DPP6: variants seen among roughly 807,000 people sequenced by gnomAD.
DPP6 encodes A-type potassium channel modulatory protein DPP6.
A neutral mutation model predicts 122.6 loss-of-function variants in DPP6; 69 were observed. The observed-to-expected ratio is 0.56, with a 90% CI of 0.46 to 0.69. DPP6 has a LOEUF of 0.69. Ranked by LOEUF, DPP6 falls within the 30% of genes least tolerant of loss-of-function variation. The pLI, the probability that DPP6 is intolerant of heterozygous loss-of-function variation, is 0.00. For missense variants in DPP6, 928 were observed against 1,116.9 expected (o/e 0.83, Z 2.41); for synonymous variants, 418 against 433.1 (o/e 0.97, Z 0.43).
chr7:153,949,479 C>G lies in DPP6; in HGVS notation c.51+61745C>G, dbSNP rs1261617836. 2.0e-5 allele frequency among the ~76,000 whole-genome samples: 3 copies of G among 152,140 alleles called. No individual in the cohort carries two copies. The East Asian group carries it at 5.8e-4, about 29-fold the overall frequency. On this transcript the variant is annotated intron_variant, in intron 1 of 25. Coordinates refer to the DPP6 transcript ENST00000404039. ...AGAGGCTGCCTGATGATTCCGAGAT[C>G]CCTCTGCTACTTTTTCGTGCCTCAT... is the stretch of plus-strand genomic sequence containing the variant.
chr7:154,493,738 G>C (rs55988330), intron 3 of DPP6, among the ~76,000 whole-genome samples: 199 of 152,296 alleles, frequency 1.3e-3, no homozygotes, highest in Non-Finnish European at 2.4e-3. Context: ...AATTTTTAAA[G>C]AATTCAAGAG....
the DPP6 span, among the ~76,000 whole-genome samples, chr7:153,767,594 G>A: frequency 1.3e-5 from 2 of 150,792 alleles, no homozygotes; most frequent in African/African-American, 4.9e-5. Context: ...AGCCAGGCTG[G>A]TCTTGAACTC....
intron 1 of DPP6, among the ~76,000 whole-genome samples, chr7:154,382,602 CTCAGCGCTCT>C (rs1378147136): frequency 6.6e-6 from 1 of 152,252 alleles, no homozygotes; most frequent in Admixed American, 6.5e-5. Context: ...GCGCTCAGCG[CTCAGCGCTCT>C]TCATGTGTTT....
chr7:153,827,665 G>A, the DPP6 span, among the ~76,000 whole-genome samples: 1 of 152,020 alleles, frequency 6.6e-6, no homozygotes, highest in Non-Finnish European at 1.5e-5. Flanking sequence ...GTCCAACAAG[G>A]ACCACATAGG....
chr7:153,965,327 G>A (rs1426737466), intron 1 of DPP6, among the ~76,000 whole-genome samples: 3 of 152,020 alleles, frequency 2.0e-5, no homozygotes, highest in Admixed American at 6.5e-5. Flanking sequence ...CTACTTGAAT[G>A]TTTGGTTATT....
At chr7:153,989,613 G>T (rs1364869120) in intron 1 of DPP6, among the ~76,000 whole-genome samples, 5 of 151,972 alleles carry the variant, frequency 3.3e-5, no homozygotes, top group African/African-American at 9.7e-5. Context: ...AAAGGGGGGT[G>T]CTCACAGCTG....
chr7:154,144,617 A>T (rs964156650), intron 1 of DPP6, among the ~76,000 whole-genome samples: 4 of 149,408 alleles, frequency 2.7e-5, no homozygotes, highest in Non-Finnish European at 4.5e-5. Flanking sequence ...AAGAATGGCA[A>T]AGTTGAGCAT....
intron 1 of DPP6, among the ~76,000 whole-genome samples, chr7:154,135,742 A>G (rs1477114399): frequency 6.8e-6 from 1 of 148,078 alleles, no homozygotes; most frequent in Non-Finnish European, 1.5e-5. Flanking sequence ...TATTCTGAGC[A>G]CACACTTCCT....
intron 7 of DPP6, among the ~76,000 whole-genome samples, chr7:154,672,340 T>C (rs990685440): frequency 6.6e-6 from 1 of 152,218 alleles, no homozygotes; most frequent in Non-Finnish European, 1.5e-5. Flanking sequence ...ACAGGTACCC[T>C]GAGTCCACAC....
intron 5 of DPP6, among the ~76,000 whole-genome samples, chr7:154,596,894 G>T (rs1385062816): frequency 1.0e-5 from 1 of 99,978 alleles, no homozygotes. Context: ...TTTATTTTAG[G>T]AAATTTTAAA....
chr7:154,028,640 A>G (rs893312383), intron 1 of DPP6, among the ~76,000 whole-genome samples: 2 of 151,742 alleles, frequency 1.3e-5, no homozygotes, highest in African/African-American at 4.9e-5. Context: ...TTTCTTCACA[A>G]AGCTGCGTTC....
At chr7:154,864,523 C>G (rs889028092) in intron 17 of DPP6, among the ~76,000 whole-genome samples, 1 of 152,210 alleles carries the variant, frequency 6.6e-6, no homozygotes, top group Non-Finnish European at 1.5e-5. Flanking sequence ...CCCCACTGCC[C>G]TGAAGTCAAA....
intron 3 of DPP6, among the ~76,000 whole-genome samples, chr7:154,535,786 G>A (rs1402446067): frequency 6.6e-6 from 1 of 152,000 alleles, no homozygotes; most frequent in Admixed American, 6.6e-5. Flanking sequence ...TTATTACTAT[G>A]TATCATCAAA....
intron 1 of DPP6, among the ~76,000 whole-genome samples, chr7:154,108,744 C>A (rs754104780): frequency 6.6e-6 from 1 of 152,180 alleles, no homozygotes. Flanking sequence ...AGCAAGCCAG[C>A]AATGTGTGGT....
chr7:154,689,396 C>T (rs1459565241), intron 7 of DPP6, among the ~76,000 whole-genome samples: 1 of 152,024 alleles, frequency 6.6e-6, no homozygotes, highest in Non-Finnish European at 1.5e-5. Context: ...ATTTTGAATT[C>T]TATGAAGTAT....
intron 1 of DPP6, among the ~76,000 whole-genome samples, chr7:154,082,601 AAGCATT>A (rs773569044): frequency 1.1e-3 from 161 of 152,028 alleles, no homozygotes; most frequent in Middle Eastern, 0.01. Flanking sequence ...GGGGCCCACT[AAGCATT>A]AGTTGCCATT....
intron 1 of DPP6, among the ~76,000 whole-genome samples, chr7:154,306,228 C>T (rs532266538): frequency 3.0e-4 from 46 of 152,268 alleles, no homozygotes; most frequent in Admixed American, 1.6e-3. Context: ...GGCGGCCGCT[C>T]GCCTTGTCCT....
intron 1 of DPP6, among the ~76,000 whole-genome samples, chr7:154,343,639 G>T (rs771934095): frequency 3.9e-5 from 6 of 152,232 alleles, no homozygotes; most frequent in African/African-American, 7.2e-5. Flanking sequence ...GGAGTGCAAT[G>T]GTGCGATCTC....
chr7:154,051,775 C>G (rs1800342299), upstream of DPP6, among the ~76,000 whole-genome samples: 3 of 150,798 alleles, frequency 2.0e-5, no homozygotes, highest in Admixed American at 2.0e-4. Flanking sequence ...CCTCTGCCGC[C>G]CCGCGACCTT....
Sources: gnomAD v4.1 joint callset for allele counts (sites outside exome capture counted in the v4.1 genomes callset) on GRCh38, gnomAD v4.1.1 for gene constraint, MANE v1.5 for transcripts, NCBI Gene and HGNC (gene_info 2026-07-23, HGNC 2026-07-21) for gene names.